UBA5: variants seen among roughly 807,000 people sequenced by gnomAD.
UBA5 encodes the protein ubiquitin-like modifier-activating enzyme 5.
In UBA5, 28 loss-of-function variants were observed where a neutral mutation model predicts 52.9. The ratio of observed to expected loss-of-function variants is 0.53; its 90% CI spans 0.39 to 0.73. The LOEUF is 0.73. Ranked by LOEUF, UBA5 falls within the 30% of genes least tolerant of loss-of-function variation. The pLI, the probability that UBA5 is intolerant of heterozygous loss-of-function variation, is 0.00. For missense variants in UBA5, 388 were observed against 492.7 expected, an observed-to-expected ratio of 0.79 and a Z score of 2.01; for synonymous variants, 135 against 162.1, an observed-to-expected ratio of 0.83 and a Z score of 1.27.
Position 132,677,519 on chromosome 3 carries a change from T to C in UBA5, c.*993T>C, listed in dbSNP as rs575434946. On this transcript the variant is annotated 3_prime_UTR_variant, in exon 12 of 12. Coordinates refer to ENST00000356232, the MANE Select transcript of UBA5 (RefSeq NM_024818.6). ...ATGACCACTAAACTGTAAATTGATATAAATTAGTTTTCTCTCGAGTTACAC... is the reference window on the plus strand; with the variant it reads ...ATGACCACTAAACTGTAAATTGATACAAATTAGTTTTCTCTCGAGTTACAC... 5.3e-5 allele frequency: 8 copies of C among 152,328 alleles called. No individual in the cohort carries two copies. Among genetic ancestry groups the C allele is most frequent in the African/African-American group, 1.7e-4 (7 of 41,586 alleles). 9.4% of individuals were successfully genotyped at this position (152,328 alleles called of 1,614,324 possible).
At position 132,676,389 on chromosome 3, in the gene UBA5, A is replaced by AT. The variant is rs202195625; in HGVS notation, c.1132-53dup. The AT allele has an allele frequency of 3.0e-4, 427 of 1,406,478 alleles. 4 individuals carry two copies. The African/African-American group carries it at 4.4e-3, about 15-fold the overall frequency. The allele number at this position is 1,406,478 out of a possible 1,614,324, so 87.1% of individuals were successfully genotyped here. A position where few individuals can be genotyped will look rare whatever the true frequency, so the allele number is the denominator to read the frequency against. On this transcript the variant is annotated intron_variant, in intron 11 of 11. Transcript: ENST00000356232. This position sits in a 1 kb window ranked among gnomAD's most constrained non-coding sequence, Gnocchi z 4.1. ...ACTTGCTGATTATATATTCCTAAGC[A>AT]TCAAGAATTCTATATGGTTCTTTTT...
chr3:132,666,740 AAAG>A (rs1938394121), intron 3 of UBA5, among the ~76,000 whole-genome samples: 1 of 152,146 alleles, frequency 6.6e-6, no homozygotes, highest in Non-Finnish European at 1.5e-5. Flanking sequence ...CAAATTCTTA[AAAG>A]AAGGTGATTT....
At position 132,679,059 on chromosome 3, in the gene UBA5, G is replaced by A. The variant is rs1938946810; in HGVS notation, c.*2533G>A. ...CTGAGGTGGGTAGGTCAAGAGGTCA[G>A]GAGTTCGAGACCAGCCTGACCAACA... is the stretch of plus-strand genomic sequence containing the variant. On this transcript the variant is annotated 3_prime_UTR_variant, in exon 12 of 12. Transcript: ENST00000356232. Among the ~76,000 whole-genome samples, 1 of 151,860 alleles carries A rather than the reference G, an allele frequency of 6.6e-6. No individual in the cohort carries two copies. The highest frequency in any genetic ancestry group is 1.5e-5 in the Non-Finnish European group (1 of 67,972).
At chr3:132,657,589 A>C (rs181967677), upstream of UBA5, among the ~76,000 whole-genome samples, 20 of 152,310 alleles carry the variant, frequency 1.3e-4, no homozygotes, top group Admixed American at 3.3e-4. Flanking sequence ...AATTCTTTTT[A>C]AGGTCCTAAT....
chr3:132,678,267 A>G lies in UBA5; in HGVS notation c.*1741A>G, dbSNP rs1490988381. Among the ~76,000 whole-genome samples, 1 of 152,200 alleles carries G rather than the reference A, an allele frequency of 6.6e-6. No homozygotes were observed. The highest frequency in any genetic ancestry group is 2.4e-5 in the African/African-American group (1 of 41,450). On this transcript the variant is annotated 3_prime_UTR_variant, in exon 12 of 12. Coordinates refer to ENST00000356232, the MANE Select transcript of UBA5 (RefSeq NM_024818.6). ...CCAGAAAAAAAATCTGGTAATAGAG[A>G]TGTTGCTATCCTAGAATACTCTCTT...
chr3:132,667,497 G>A (rs898610501), intron 3 of UBA5: 19 of 137,558 alleles, frequency 1.4e-4, no homozygotes, highest in Non-Finnish European at 2.9e-4. Context: ...TGTAAACTGA[G>A]AATCTACACA....
chr3:132,673,129 T>C (rs980762964), intron 8 of UBA5, among the ~76,000 whole-genome samples: 1 of 152,192 alleles, frequency 6.6e-6, no homozygotes, highest in African/African-American at 2.4e-5. Flanking sequence ...GCAAATAGCC[T>C]GTTTAGACAG....
chr3:132,670,896 C>A, intron 5 of UBA5, 69 bp from the exon 6 acceptor site: 1 of 1,092,166 alleles, frequency 9.2e-7, no homozygotes. Context: ...TTGGACTGAA[C>A]AAGTAAGTAT....
Position 132,672,055 on chromosome 3 carries a change from T to A in UBA5, c.690T>A (p.Ala230=). ...IPGESACFAC[A]PPLVVAANID... ...GTGTTTTATTTTTCATGTAGTGTGCTCCACCACTTGTAGTTGCTGCAAATA... is the reference window on the plus strand; with the variant it reads ...GTGTTTTATTTTTCATGTAGTGTGCACCACCACTTGTAGTTGCTGCAAATA... The change falls in exon 8 of 12, where the codon GCT becomes GCA. Residue 230 remains alanine (A), a synonymous_variant. Coordinates refer to ENST00000356232, the MANE Select transcript of UBA5 (RefSeq NM_024818.6). 1 of 1,613,886 alleles carries A rather than the reference T, an allele frequency of 6.2e-7. No individual in the cohort carries two copies. Among genetic ancestry groups the A allele is most frequent in the Non-Finnish European group, 8.5e-7 (1 of 1,179,882 alleles).
chr3:132,662,831 T>G (rs1938223208), intron 1 of UBA5, among the ~76,000 whole-genome samples: 1 of 152,204 alleles, frequency 6.6e-6, no homozygotes, highest in South Asian at 2.1e-4. Context: ...TTTGGGCAGT[T>G]GATTAACCCA....
chr3:132,671,762 C>T lies in UBA5; in HGVS notation c.580-15C>T, dbSNP rs1050451408. 3.8e-6 allele frequency: 6 copies of T among 1,575,838 alleles called. No individual in the cohort carries two copies. In the African/African-American group the frequency reaches 6.9e-5, roughly 18 times the overall value. Reference sequence around the variant, plus strand: ...TTTATTTTTTTTCCTTATGTTTTCACCCATTTCTACTAAGGCTTGTAATGA... The same window carrying T: ...TTTATTTTTTTTCCTTATGTTTTCATCCATTTCTACTAAGGCTTGTAATGA... On this transcript the variant is annotated splice_polypyrimidine_tract_variant and intron_variant, in intron 6 of 11. Coordinates refer to ENST00000356232, the MANE Select transcript of UBA5 (RefSeq NM_024818.6).
Position 132,668,849 on chromosome 3 carries a change from T to C in UBA5, c.329T>C (p.Leu110Pro), listed in dbSNP as rs1407945340. 3 of 1,610,592 alleles carry C rather than the reference T, an allele frequency of 1.9e-6. No homozygotes were observed. Among genetic ancestry groups the C allele is most frequent in the Non-Finnish European group, 2.5e-6 (3 of 1,178,984 alleles). ...LLLFDYDKVE[L>P]ANMNRLFFQP... The stretch of plus-strand genomic sequence containing the variant: ...CTCTTTGATTATGACAAGGTGGAAC[T>C]AGCCAATATGAATAGACTTTTCTTC... The change falls in exon 4 of 12, where the codon CTA (leucine) becomes CCA (proline). Residue 110 changes from leucine (L) to proline (P), a missense_variant. Leu to Pro is a moderately conservative substitution (Grantham distance 98). Around this residue, in one of 3 missense-constraint regions of UBA5, gnomAD observed 16 missense variants for 59.3 expected, o/e 0.27. Transcript: ENST00000356232.
intron 5 of UBA5, 93 bp from the exon 6 acceptor site, chr3:132,670,872 T>C: frequency 1.3e-6 from 1 of 753,292 alleles, no homozygotes. Flanking sequence ...AAACATTTAA[T>C]GAAAGAATAA....
chr3:132,655,704 C>G (rs1192162989), upstream of UBA5, among the ~76,000 whole-genome samples: 2 of 152,164 alleles, frequency 1.3e-5, no homozygotes, highest in East Asian at 3.8e-4. Context: ...AGTTCAGAAG[C>G]TGATTTTCCT....
At position 132,660,958 on chromosome 3, in the gene UBA5, C is replaced by G; in HGVS notation, c.161+260C>G. On this transcript the variant is annotated intron_variant, in intron 1 of 11. Transcript: ENST00000356232. This position sits in a 1 kb window ranked among gnomAD's most constrained non-coding sequence, Gnocchi z 4.1. ...TGAGGACGTGTGTCCAGTTTCCTATCACCCTTGCCTCTTAATTAGTCCGCC... is the reference window on the plus strand; with the variant it reads ...TGAGGACGTGTGTCCAGTTTCCTATGACCCTTGCCTCTTAATTAGTCCGCC... 1 of 1,490,650 alleles carries G rather than the reference C, an allele frequency of 6.7e-7. No homozygotes were observed. The highest frequency in any genetic ancestry group is 8.9e-7 in the Non-Finnish European group (1 of 1,119,254). The allele number at this position is 1,490,650 out of a possible 1,614,324, so 92.3% of individuals were successfully genotyped here.
At chr3:132,659,408 C>T (rs1283874932), upstream of UBA5, 3 of 652,612 alleles carry the variant, frequency 4.6e-6, no homozygotes, top group Non-Finnish European at 7.5e-6. Flanking sequence ...GCTTCCATTA[C>T]CGCCCTCCAA....
intron 8 of UBA5, 100 bp from the exon 9 acceptor site, chr3:132,675,148 A>T: frequency 1.2e-6 from 1 of 856,976 alleles, no homozygotes; most frequent in Non-Finnish European, 1.8e-6. Flanking sequence ...TAAAAAAAAT[A>T]TATAATTACC....
chr3:132,660,787 A>C lies in UBA5; in HGVS notation c.161+89A>C. The C allele has an allele frequency of 6.9e-7, 1 of 1,450,990 alleles. No homozygotes were observed. Among genetic ancestry groups the C allele is most frequent in the East Asian group, 2.5e-5 (1 of 39,990 alleles). The allele number at this position is 1,450,990 out of a possible 1,614,324, so 89.9% of individuals were successfully genotyped here. On this transcript the variant is annotated intron_variant, in intron 1 of 11. Coordinates refer to ENST00000356232, the MANE Select transcript of UBA5 (RefSeq NM_024818.6). The surrounding 1 kb of genome is among the most constrained non-coding windows in gnomAD (Gnocchi z 4.1). The stretch of plus-strand genomic sequence containing the variant: ...GTGAGGCGCTTCCCACGTCCCGCTC[A>C]TGGGGACGCCCGCCACCCTTTTCTT...
intron 8 of UBA5, among the ~76,000 whole-genome samples, chr3:132,672,634 T>C (rs1233477476): frequency 6.6e-6 from 1 of 152,334 alleles, no homozygotes; most frequent in Non-Finnish European, 1.5e-5. Flanking sequence ...ACAGTAATTA[T>C]TGTTAATGTA....
Sources: gnomAD v4.1 joint callset for allele counts (sites outside exome capture counted in the v4.1 genomes callset) on GRCh38, gnomAD v4.1.1 for gene constraint, gnomAD v4.1.1 regional missense constraint, Gnocchi (gnomAD v3.1) non-coding constraint, MANE v1.5 for transcripts, NCBI Gene and HGNC (gene_info 2026-07-23, HGNC 2026-07-21) for gene names.